Variants in COL5A3 observed in about 807,000 individuals in gnomAD.
COL5A3 encodes the protein collagen alpha-3(V) chain.
In COL5A3, 172 loss-of-function variants were observed where a neutral mutation model predicts 250.0. The ratio of observed to expected loss-of-function variants is 0.69; its 90% CI spans 0.61 to 0.78. The LOEUF is 0.78. Among genes scored for constraint, COL5A3 ranks in the 30% least tolerant of loss-of-function variants. The pLI is 0.00. For missense variants in COL5A3, 2,340 were observed against 2,334.4 expected (o/e 1.00, Z -0.05); for synonymous variants, 937 against 900.4 (o/e 1.04, Z -0.73).
In COL5A3 at chr19:9,980,670, G is replaced by A; in HGVS notation, c.2582C>T (p.Ala861Val). The change falls in exon 35 of 67, where the codon GCC (alanine) becomes GTC (valine). Residue 861 changes from alanine to valine, a missense_variant. Coordinates refer to ENST00000264828, the MANE Select transcript of COL5A3 (RefSeq NM_015719.4). ...CACCTTTTCTCCAGGGATCCCAGGG[G>A]CTCCATCCTGGCCCACATCGCCCTA... ...GPKGDVGQDG[A>V]PGIPGEKGLP... 3 of 1,613,810 alleles carry A rather than the reference G, an allele frequency of 1.9e-6. No homozygotes were observed. Among genetic ancestry groups the A allele is most frequent in the Non-Finnish European group, 1.7e-6 (2 of 1,179,980 alleles).
intron 8 of COL5A3, among the ~76,000 whole-genome samples, chr19:9,998,788 G>A (rs1337572053): frequency 4.0e-5 from 6 of 151,330 alleles, no homozygotes; most frequent in East Asian, 2.0e-4. Flanking sequence ...GGGTTCTAGC[G>A]ATTCTCCTGC....
In COL5A3 at chr19:9,960,896, G is replaced by A; in HGVS notation, c.4852-6C>T. 6.2e-7 allele frequency: 1 copy of A among 1,602,066 alleles called. No individual in the cohort carries two copies. Among genetic ancestry groups the A allele is most frequent in the Non-Finnish European group, 8.5e-7 (1 of 1,179,924 alleles). ...TCGGCGTCCACGTAGGAGAACTGGT[G>A]AGAGGAGGGCAAGGCAGAGGATGAG... On this transcript the variant is annotated splice_region_variant and splice_polypyrimidine_tract_variant and intron_variant, in intron 65 of 66. Transcript: ENST00000264828.
At chr19:9,977,942 CTATACATATATATATATATA>C (rs1254484443) in intron 41 of COL5A3, among the ~76,000 whole-genome samples, 13 of 89,686 alleles carry the variant, frequency 1.4e-4, no homozygotes, top group African/African-American at 3.2e-4. Flanking sequence ...TCCTGGCAGC[CTATACATATATATATATATA>C]TATATATATA....
rs1353172634 is a variant in COL5A3 at position 9,979,199 on chromosome 19, G to A, written c.2807C>T (p.Pro936Leu). ...ACCAGGAGGTCCAGGGGGGCCTGGA[G>A]GCCCCCTTTCACCTAGAGGTCCCAC... ...GEVGPLGERG[P>L]PGPPGPPGEQ... is the part of the protein sequence containing the mutation. The change falls in exon 39 of 67, where the codon CCT becomes CTT. Residue 936 changes from proline (P) to leucine (L), a missense_variant. Coordinates refer to ENST00000264828, the MANE Select transcript of COL5A3 (RefSeq NM_015719.4). The A allele has an allele frequency of 1.2e-6, 2 of 1,603,720 alleles. No homozygotes were observed. Among genetic ancestry groups the A allele is most frequent in the Non-Finnish European group, 1.7e-6 (2 of 1,177,116 alleles).
In COL5A3 at chr19:9,962,976, T is replaced by C. The variant is rs189771405; in HGVS notation, c.4783-89A>G. The C allele has an allele frequency of 3.1e-3, 3,011 of 955,914 alleles. 43 individuals carry two copies. In the African/African-American group the frequency reaches 0.043, roughly 14 times the overall value. The allele number at this position is 955,914 out of a possible 1,614,324, so 59.2% of individuals were successfully genotyped here. ...ATTTCCCTCCTCACACAGTAGGCTG[T>C]TGTGACTATGTCAGGATGTTCTCTG... On this transcript the variant is annotated intron_variant, in intron 64 of 66. Transcript: ENST00000264828.
At chr19:9,995,991 C>T (rs895242882) in intron 15 of COL5A3, 75 bp downstream of exon 15, 7 of 1,352,860 alleles carry the variant, frequency 5.2e-6, no homozygotes, top group African/African-American at 4.4e-5. Context: ...GCACTTTCCC[C>T]ATCCAGCACT....
Position 9,970,441 on chromosome 19 carries a change from T to TG in COL5A3, c.3936+180dup, listed in dbSNP as rs139557064. On this transcript the variant is annotated intron_variant, in intron 54 of 66. Coordinates refer to ENST00000264828, the MANE Select transcript of COL5A3 (RefSeq NM_015719.4). ...GGGGCTGTAAGGTGAGTGGGGTCTG[T>TG]GGGTGAGTGGGGTCTGTGGGTGTGT... 5.2e-3 allele frequency among the ~76,000 whole-genome samples: 97 copies of TG among 18,676 alleles called. 1 individual carries two copies. Among genetic ancestry groups the TG allele is most frequent in the African/African-American group, 9.6e-3 (22 of 2,296 alleles). The allele number at this position is 18,676 out of a possible 152,430, so 12.3% of individuals were successfully genotyped here. A position where few individuals can be genotyped will look rare whatever the true frequency, so the allele number is the denominator to read the frequency against.
intron 1 of COL5A3, among the ~76,000 whole-genome samples, chr19:10,007,578 T>G (rs1180487051): frequency 6.8e-6 from 1 of 146,158 alleles, no homozygotes; most frequent in Admixed American, 6.8e-5. Context: ...CCCCCAACCC[T>G]CAGCAAACTG....
At chr19:9,990,909 C>T (rs2087179803) in intron 24 of COL5A3, among the ~76,000 whole-genome samples, 1 of 152,104 alleles carries the variant, frequency 6.6e-6, no homozygotes, top group Non-Finnish European at 1.5e-5. Flanking sequence ...GAAATAGAAG[C>T]TTCACAGCCA....
At chr19:9,980,223 G>T (rs1055451900) in intron 35 of COL5A3, among the ~76,000 whole-genome samples, 176 bp from the exon 36 acceptor site, 1 of 152,230 alleles carries the variant, frequency 6.6e-6, no homozygotes, top group African/African-American at 2.4e-5. Flanking sequence ...CTTTGGGTTG[G>T]AGACTGAGGT....
At chr19:9,990,707 C>T (rs982174967) in intron 24 of COL5A3, among the ~76,000 whole-genome samples, 10 of 151,818 alleles carry the variant, frequency 6.6e-5, no homozygotes, top group Non-Finnish European at 7.4e-5. Context: ...GGACTACAGG[C>T]GCGCGCCACC....
intron 62 of COL5A3, among the ~76,000 whole-genome samples, chr19:9,967,102 G>T (rs147497350): frequency 0.011 from 1,712 of 152,146 alleles, 40 homozygotes; most frequent in African/African-American, 0.039. Context: ...GGGAGGGAGA[G>T]ATGGGGTCCA....
intron 45 of COL5A3, among the ~76,000 whole-genome samples, chr19:9,974,781 G>A (rs2086897066): frequency 6.6e-6 from 1 of 151,976 alleles, no homozygotes; most frequent in Non-Finnish European, 1.5e-5. Context: ...TAAGGATAGG[G>A]CCGTATGTTC....
Position 10,005,627 on chromosome 19 carries a change from G to A in COL5A3, c.525C>T (p.Gly175=). Residue 175 remains glycine, a synonymous_variant, in exon 4 of 67, where the codon GGC becomes GGT. Transcript: ENST00000264828. ...CEAQPPVLGH[G]PRFISIAGLT... is the part of the protein sequence containing the mutation. ...GTCCAGCTATGCTGATGAAGCGGGGGCCATGGCCCAAAACAGGGGGCTGAG... is the reference window on the plus strand; with the variant it reads ...GTCCAGCTATGCTGATGAAGCGGGGACCATGGCCCAAAACAGGGGGCTGAG... 2 of 1,614,140 alleles carry A rather than the reference G, an allele frequency of 1.2e-6. No individual in the cohort carries two copies. Among genetic ancestry groups the A allele is most frequent in the Non-Finnish European group, 8.5e-7 (1 of 1,180,020 alleles).
intron 53 of COL5A3, 72 bp downstream of exon 53, chr19:9,970,903 C>T: frequency 9.4e-7 from 1 of 1,062,990 alleles, no homozygotes; most frequent in Admixed American, 2.6e-5. Context: ...CACTCCCCTG[C>T]CCCCCCAATT....
chr19:10,003,178 ACT>A (rs1461432839), intron 6 of COL5A3, among the ~76,000 whole-genome samples: 1 of 152,178 alleles, frequency 6.6e-6, no homozygotes, highest in Non-Finnish European at 1.5e-5. Flanking sequence ...ACAATGACAC[ACT>A]AACTAATGAA....
chr19:9,980,413 G>A (rs1450989165), intron 35 of COL5A3, among the ~76,000 whole-genome samples: 1 of 152,038 alleles, frequency 6.6e-6, no homozygotes, highest in Non-Finnish European at 1.5e-5. Context: ...ACCCAAGCTG[G>A]AGTGCAGTGG....
intron 24 of COL5A3, 138 bp downstream of exon 24, chr19:9,991,472 C>A: frequency 1.5e-6 from 1 of 681,922 alleles, no homozygotes; most frequent in South Asian, 2.3e-5. Context: ...CACTTTGTAT[C>A]TCCGGGCTGG....
chr19:9,981,188 C>T (rs574148230), intron 32 of COL5A3, 56 bp from the exon 33 acceptor site: 29 of 1,541,704 alleles, frequency 1.9e-5, no homozygotes, highest in South Asian at 6.7e-5. Flanking sequence ...AAAGGTATGA[C>T]GCAAACACAA....
Sources: gnomAD v4.1 joint callset for allele counts (sites outside exome capture counted in the v4.1 genomes callset) on GRCh38, gnomAD v4.1.1 for gene constraint, MANE v1.5 for transcripts, NCBI Gene and HGNC (gene_info 2026-07-23, HGNC 2026-07-21) for gene names.